PCBP3: variants seen among roughly 807,000 people sequenced by gnomAD.
PCBP3 encodes poly(rC) binding protein 3, also known as poly(rC)-binding protein 3.
PCBP3 carries 25 observed loss-of-function variants against 52.7 expected under a neutral mutation model. The observed-to-expected ratio is 0.47, with a 90% CI of 0.35 to 0.66. The LOEUF is 0.66. Ranked by LOEUF, PCBP3 falls within the 30% of genes least tolerant of loss-of-function variation. The pLI is 0.01. For missense variants in PCBP3, 391 were observed against 490.3 expected, an observed-to-expected ratio of 0.80 and a Z score of 1.91; for synonymous variants, 162 against 183.0, an observed-to-expected ratio of 0.89 and a Z score of 0.93.
chr21:45,649,943 T>C (rs1207250403), intron 1 of PCBP3, among the ~76,000 whole-genome samples: 1 of 152,140 alleles, frequency 6.6e-6, no homozygotes, highest in Non-Finnish European at 1.5e-5. Context: ...TTTTAAGCTT[T>C]TTTTAAAAAT....
At chr21:45,744,595 C>G (rs1028883371) in intron 3 of PCBP3, among the ~76,000 whole-genome samples, 2 of 152,126 alleles carry the variant, frequency 1.3e-5, no homozygotes, top group Admixed American at 1.3e-4. Flanking sequence ...TCCAAAATAG[C>G]TTTCATTTAT....
intron 4 of PCBP3, among the ~76,000 whole-genome samples, chr21:45,770,511 T>G (rs1050971682): frequency 3.9e-5 from 6 of 152,222 alleles, no homozygotes; most frequent in Non-Finnish European, 7.3e-5. Context: ...TGGCAGAGAT[T>G]TTTTTATGGC....
intron 6 of PCBP3, among the ~76,000 whole-genome samples, chr21:45,899,209 C>CT (rs1424957745): frequency 2.6e-5 from 4 of 152,178 alleles, no homozygotes; most frequent in Non-Finnish European, 4.4e-5. Context: ...GCTAAGTTTT[C>CT]TTTAAGTCAC....
rs956696728 is a variant in PCBP3, at chr21:45,686,294, C to A, written c.-200+17342C>A. Reference sequence around the variant, plus strand: ...TTTGGCCATCCAGAATGGAGCATCCCTCCTGAACCACCAAGGCAATCAGTA... The same window carrying A: ...TTTGGCCATCCAGAATGGAGCATCCATCCTGAACCACCAAGGCAATCAGTA... On this transcript the variant is annotated intron_variant, in intron 2 of 17. Transcript: ENST00000681687. 1.6e-4 allele frequency among the ~76,000 whole-genome samples: 24 copies of A among 152,126 alleles called. 1 individual carries two copies. Among genetic ancestry groups the A allele is most frequent in the Admixed American group, 1.2e-3 (19 of 15,266 alleles).
At chr21:45,672,952 C>G (rs764494035) in intron 2 of PCBP3, among the ~76,000 whole-genome samples, 2 of 152,218 alleles carry the variant, frequency 1.3e-5, no homozygotes, top group East Asian at 1.9e-4. Flanking sequence ...GTGACCTAGA[C>G]AGTTGGCATT....
At chr21:45,881,732 A>G (rs2095410736) in intron 5 of PCBP3, among the ~76,000 whole-genome samples, 2 of 150,820 alleles carry the variant, frequency 1.3e-5, no homozygotes, top group Non-Finnish European at 3.0e-5. Context: ...AACCCCCCGC[A>G]GTCCCCGACA....
At position 45,892,758 on chromosome 21, in the gene PCBP3, A is replaced by C. The variant is rs570909291; in HGVS notation, c.11-3450A>C. ...CCAGGTCTATGCATGGACTGTCCCC[A>C]CCCCCAGGCCCCAAGCTCAGCTCCC... is the stretch of plus-strand genomic sequence containing the variant. On this transcript the variant is annotated intron_variant, in intron 5 of 17. Coordinates refer to ENST00000681687, the MANE Select transcript of PCBP3 (RefSeq NM_001384156.1). 1.7e-3 allele frequency among the ~76,000 whole-genome samples: 263 copies of C among 151,874 alleles called. 1 individual carries two copies. The highest frequency in any genetic ancestry group is 6.2e-3 in the African/African-American group (256 of 41,336).
chr21:45,905,887 C>T (rs2096191218), intron 9 of PCBP3, among the ~76,000 whole-genome samples: 1 of 152,212 alleles, frequency 6.6e-6, no homozygotes, highest in Non-Finnish European at 1.5e-5. Context: ...GCCTGATCAC[C>T]TCCAGCTTCA....
chr21:45,668,050 A>G (rs1341073138), intron 1 of PCBP3, among the ~76,000 whole-genome samples: 3 of 152,260 alleles, frequency 2.0e-5, no homozygotes, highest in Admixed American at 1.3e-4. Flanking sequence ...GTAACCTACC[A>G]GTTTATAAGT....
chr21:45,782,915 G>A (rs1037304927), intron 4 of PCBP3, among the ~76,000 whole-genome samples: 2 of 152,260 alleles, frequency 1.3e-5, no homozygotes, highest in African/African-American at 4.8e-5. Context: ...GAACTGCTGT[G>A]TCGCAGGTTA....
At chr21:45,859,330 A>G (rs2839019) in intron 5 of PCBP3, among the ~76,000 whole-genome samples, 1 of 12,930 alleles carries the variant, frequency 7.7e-5, no homozygotes, top group Non-Finnish European at 1.4e-4. Context: ...GTGGCCAGCG[A>G]GTCAGGGTAC....
chr21:45,851,712 T>C (rs2148229504), intron 5 of PCBP3, among the ~76,000 whole-genome samples: 1 of 152,284 alleles, frequency 6.6e-6, no homozygotes, highest in East Asian at 1.9e-4. Context: ...TGCTAACACA[T>C]TTGAAAACAT....
intron 1 of PCBP3, among the ~76,000 whole-genome samples, chr21:45,650,646 G>A (rs1045273777): frequency 6.6e-6 from 1 of 152,100 alleles, no homozygotes; most frequent in East Asian, 1.9e-4. Flanking sequence ...GTAGAATAAG[G>A]GTCTTGCTAT....
chr21:45,690,245 C>T (rs909470164), intron 2 of PCBP3, among the ~76,000 whole-genome samples: 2 of 151,836 alleles, frequency 1.3e-5, no homozygotes, highest in African/African-American at 4.8e-5. Context: ...GAAATATTTC[C>T]AACAAACTGT....
rs150565598 is a variant in PCBP3 at position 45,704,973 on chromosome 21, G to A, written c.-199-30419G>A. On this transcript the variant is annotated intron_variant, in intron 2 of 17. Transcript: ENST00000681687. The surrounding 1 kb of genome is among the most constrained non-coding windows in gnomAD (Gnocchi z 4.1). Reference sequence around the variant, plus strand: ...CATTAGCCTCCACAGAGCCCATCTTGGGGAGGTGTGCCTCTTTTTTCTGGC... The same window carrying A: ...CATTAGCCTCCACAGAGCCCATCTTAGGGAGGTGTGCCTCTTTTTTCTGGC... Among the ~76,000 whole-genome samples the A allele has an allele frequency of 5.1e-3, 778 of 152,292 alleles. 8 individuals are homozygous for A. Among genetic ancestry groups the A allele is most frequent in the South Asian group, 0.028 (136 of 4,828 alleles).
rs78069193 is a variant in PCBP3 at position 45,758,753 on chromosome 21, C to T, written c.-126+3301C>T. ...TATTTCTTTTACTTCTCTTAGGGTA[C>T]TTACTGGGATCCCCAGTGGGATGTT... On this transcript the variant is annotated intron_variant, in intron 4 of 17. Coordinates refer to ENST00000681687, the MANE Select transcript of PCBP3 (RefSeq NM_001384156.1). 6.9e-3 allele frequency among the ~76,000 whole-genome samples: 1,050 copies of T among 152,108 alleles called. 11 individuals are homozygous for T. The highest frequency in any genetic ancestry group is 0.024 in the African/African-American group (982 of 41,490).
At chr21:45,866,158 C>G (rs1569366999) in intron 5 of PCBP3, among the ~76,000 whole-genome samples, 1 of 152,242 alleles carries the variant, frequency 6.6e-6, no homozygotes, top group Non-Finnish European at 1.5e-5. Context: ...ACCTTCTGGA[C>G]CTTCTGGATC....
Position 45,788,251 on chromosome 21 carries a change from G to A in PCBP3, c.-126+32799G>A. 1.3e-5 allele frequency: 2 copies of A among 152,630 alleles called. No individual in the cohort carries two copies. The highest frequency in any genetic ancestry group is 2.1e-4 in the South Asian group (1 of 4,836). The allele number at this position is 152,630 out of a possible 1,614,324, so 9.5% of individuals were successfully genotyped here. A position where few individuals can be genotyped will look rare whatever the true frequency, so the allele number is the denominator to read the frequency against. Reference sequence around the variant, plus strand: ...GGGCGGCGTGCCTGGCATGGGTCCTGCCAAGTTCGTCAGGTAACGTGATAC... The same window carrying A: ...GGGCGGCGTGCCTGGCATGGGTCCTACCAAGTTCGTCAGGTAACGTGATAC... On this transcript the variant is annotated intron_variant, in intron 4 of 17. Transcript: ENST00000681687. This position sits in a 1 kb window ranked among gnomAD's most constrained non-coding sequence, Gnocchi z 4.3.
intron 4 of PCBP3, among the ~76,000 whole-genome samples, chr21:45,764,908 G>A (rs1332210572): frequency 6.6e-6 from 1 of 152,232 alleles, no homozygotes; most frequent in Non-Finnish European, 1.5e-5. Flanking sequence ...TCTTGGAAGG[G>A]GGGAGGTCTG....
Sources: allele counts gnomAD v4.1 joint callset (sites outside exome capture counted in the v4.1 genomes callset), GRCh38; gene constraint gnomAD v4.1.1; non-coding constraint Gnocchi (gnomAD v3.1); transcripts MANE v1.5; gene names NCBI Gene and HGNC (gene_info 2026-07-23, HGNC 2026-07-21).